ADGRB3: variants seen among roughly 807,000 people sequenced by gnomAD.
ADGRB3 encodes brain-specific angiogenesis inhibitor 3.
In ADGRB3, 37 loss-of-function variants were observed where a neutral mutation model predicts 193.4. That is an observed-to-expected ratio of 0.19 (90% CI 0.15 to 0.25). The LOEUF is 0.25. Ranked by LOEUF, ADGRB3 falls within the 10% of genes least tolerant of loss-of-function variation. The pLI is 1.00. For missense variants in ADGRB3, 1,637 were observed against 1,852.9 expected (o/e 0.88, Z 2.14); for synonymous variants, 690 against 644.2 (o/e 1.07, Z -1.08).
At chr6:69,042,463 G>T (rs1771100328) in intron 13 of ADGRB3, among the ~76,000 whole-genome samples, 1 of 152,158 alleles carries the variant, frequency 6.6e-6, no homozygotes, top group African/African-American at 2.4e-5. Context: ...CCTTCCAGAT[G>T]CCTTTAGTAT....
chr6:69,297,340 A>ATCTCTCTCTCTCTC (rs386407481), intron 20 of ADGRB3, among the ~76,000 whole-genome samples: 67 of 111,910 alleles, frequency 6.0e-4, no homozygotes, highest in African/African-American at 1.8e-3. Context: ...TTCTACTGAT[A>ATCTCTCTCTCTCTC]TCTCTCTCTC....
chr6:69,158,317 T>C (rs1439712006), intron 17 of ADGRB3, among the ~76,000 whole-genome samples: 8 of 152,032 alleles, frequency 5.3e-5, no homozygotes, highest in African/African-American at 1.9e-4. Flanking sequence ...GATAATTGCA[T>C]CTTCCTTCCC....
intron 17 of ADGRB3, among the ~76,000 whole-genome samples, chr6:69,129,269 G>T (rs1315564477): frequency 2.0e-5 from 3 of 152,242 alleles, no homozygotes; most frequent in Admixed American, 6.5e-5. Context: ...GGAATTCTGG[G>T]TATGTGCATG....
intron 13 of ADGRB3, 58 bp from the exon 14 acceptor site, chr6:69,048,127 C>G (rs1771290388): frequency 6.5e-7 from 1 of 1,529,796 alleles, no homozygotes; most frequent in Admixed American, 1.9e-5. Flanking sequence ...TTGATCAACA[C>G]TGATTACACT....
At chr6:68,653,766 G>C (rs887528262) in intron 3 of ADGRB3, among the ~76,000 whole-genome samples, 1 of 151,886 alleles carries the variant, frequency 6.6e-6, no homozygotes, top group African/African-American at 2.4e-5. Context: ...ATTTATTCTA[G>C]CATGGTGGTT....
intron 17 of ADGRB3, among the ~76,000 whole-genome samples, chr6:69,225,626 C>A (rs1677084200): frequency 6.6e-6 from 1 of 152,218 alleles, no homozygotes; most frequent in Admixed American, 6.5e-5. Context: ...ATAGGCAGTC[C>A]AGGGCTTGCA....
At chr6:69,226,162 A>G (rs1766010566) in intron 17 of ADGRB3, among the ~76,000 whole-genome samples, 1 of 152,218 alleles carries the variant, frequency 6.6e-6, no homozygotes, top group Admixed American at 6.5e-5. Flanking sequence ...ATTTTATGAC[A>G]CAAAAGCAGT....
intron 17 of ADGRB3, among the ~76,000 whole-genome samples, chr6:69,228,776 T>C (rs1766074484): frequency 6.6e-6 from 1 of 152,212 alleles, no homozygotes; most frequent in Non-Finnish European, 1.5e-5. Context: ...GTACATTCTG[T>C]TTTAAAACAG....
chr6:69,176,909 G>C (rs898462670), intron 17 of ADGRB3, among the ~76,000 whole-genome samples: 1 of 152,104 alleles, frequency 6.6e-6, no homozygotes, highest in Non-Finnish European at 1.5e-5. Flanking sequence ...TTTCTAGTTT[G>C]TCTGCATATA....
At chr6:68,868,177 A>T (rs1282344196) in intron 3 of ADGRB3, among the ~76,000 whole-genome samples, 1 of 152,186 alleles carries the variant, frequency 6.6e-6, no homozygotes, top group Non-Finnish European at 1.5e-5. Flanking sequence ...GGGACATGGT[A>T]GGAAGTGACT....
At chr6:68,898,332 A>G (rs1178802309) in intron 3 of ADGRB3, among the ~76,000 whole-genome samples, 1 of 152,088 alleles carries the variant, frequency 6.6e-6, no homozygotes, top group Non-Finnish European at 1.5e-5. Context: ...TAAGCCCTCA[A>G]TGAATTGGAT....
intron 3 of ADGRB3, among the ~76,000 whole-genome samples, chr6:68,796,756 A>G (rs1305141548): frequency 6.6e-6 from 1 of 152,174 alleles, no homozygotes; most frequent in Non-Finnish European, 1.5e-5. Flanking sequence ...GAAATGAAAT[A>G]AAATAGAATG....
At chr6:69,100,894 GAAGGAAGA>G (rs1230015839) in intron 17 of ADGRB3, among the ~76,000 whole-genome samples, 2 of 125,104 alleles carry the variant, frequency 1.6e-5, no homozygotes, top group Non-Finnish European at 1.7e-5. Flanking sequence ...GGGAAGGAAG[GAAGGAAGA>G]AGCGAGGGAG....
At chr6:68,912,129 T>C (rs892126944) in intron 3 of ADGRB3, among the ~76,000 whole-genome samples, 2 of 152,036 alleles carry the variant, frequency 1.3e-5, no homozygotes, top group African/African-American at 4.8e-5. Context: ...TTGAGTACTG[T>C]TGTGAGAATT....
intron 3 of ADGRB3, among the ~76,000 whole-genome samples, chr6:68,769,653 C>A (rs77951988): frequency 0.031 from 4,710 of 152,044 alleles, 131 homozygotes; most frequent in African/African-American, 0.067. Flanking sequence ...AAGTCTGCAC[C>A]TTCTGCACAC....
At chr6:69,010,673 G>A (rs927431623) in intron 11 of ADGRB3, among the ~76,000 whole-genome samples, 3 of 150,980 alleles carry the variant, frequency 2.0e-5, no homozygotes, top group Non-Finnish European at 2.9e-5. Context: ...TGGGGAAAAT[G>A]TTAAACTGGG....
At chr6:69,277,848 C>A (rs1582599331) in intron 20 of ADGRB3, among the ~76,000 whole-genome samples, 1 of 152,096 alleles carries the variant, frequency 6.6e-6, no homozygotes, top group African/African-American at 2.4e-5. Flanking sequence ...GATAATAGTA[C>A]CCACCTTATA....
chr6:69,072,772 A>G (rs939781512), intron 16 of ADGRB3, among the ~76,000 whole-genome samples: 9 of 152,320 alleles, frequency 5.9e-5, no homozygotes, highest in East Asian at 1.9e-4. Flanking sequence ...TTTGTTTTCT[A>G]TAAGGTTCTC....
At chr6:69,256,630 A>G (rs1048279559) in intron 20 of ADGRB3, among the ~76,000 whole-genome samples, 6 of 152,124 alleles carry the variant, frequency 3.9e-5, no homozygotes, top group African/African-American at 1.4e-4. Flanking sequence ...TTCTAGATAT[A>G]CAATCATGTC....
Sources: gnomAD v4.1 joint callset for allele counts (sites outside exome capture counted in the v4.1 genomes callset) on GRCh38, gnomAD v4.1.1 for gene constraint, MANE v1.5 for transcripts, NCBI Gene and HGNC (gene_info 2026-07-23, HGNC 2026-07-21) for gene names.